The following KLHL41 variants were observed in gnomAD, a reference collection of about 807,000 sequenced individuals.
The protein encoded by KLHL41 is kelch like family member 41, also known as kelch-like protein 41.
In KLHL41, 31 loss-of-function variants were observed where a neutral mutation model predicts 49.2. The ratio of observed to expected loss-of-function variants is 0.63; its 90% CI spans 0.47 to 0.85. The LOEUF (loss-of-function observed/expected upper bound fraction) is 0.85, where lower values mean the gene tolerates loss of function less well. Among genes scored for constraint, KLHL41 ranks in the 40% least tolerant of loss-of-function variants. KLHL41 has a pLI of 0.00. For synonymous variants in KLHL41, 218 were observed against 258.5 expected (o/e 0.84, Z 1.50); for missense variants, 663 against 726.7 (o/e 0.91, Z 1.01).
chr2:169,518,384 C>T lies in KLHL41; in HGVS notation c.1562+9C>T. On this transcript the variant is annotated intron_variant, in intron 4 of 5. Transcript: ENST00000284669. Reference sequence around the variant, plus strand: ...GACCTTACAACAAATAAGTGAGTTGCCACATCTTAGTATATAGCATGTGAA... The same window carrying T: ...GACCTTACAACAAATAAGTGAGTTGTCACATCTTAGTATATAGCATGTGAA... The T allele has an allele frequency of 1.3e-6, 2 of 1,596,060 alleles. No individual in the cohort carries two copies. Among genetic ancestry groups the T allele is most frequent in the Non-Finnish European group, 1.7e-6 (2 of 1,166,738 alleles).
intron 5 of KLHL41, among the ~76,000 whole-genome samples, chr2:169,522,422 G>T (rs920834144): frequency 6.6e-6 from 1 of 152,110 alleles, no homozygotes; most frequent in African/African-American, 2.4e-5. Context: ...AGATTTCCAC[G>T]GAGCAAAGAG....
At position 169,520,865 on chromosome 2, in the gene KLHL41, G is replaced by A. The variant is rs1443758453; in HGVS notation, c.1567G>A (p.Asp523Asn). The part of the protein sequence containing the change: ...EAFDLTTNKW[D>N]VMTEFPQERS... ...TATATTTTTAATGATACCTAGATGG[G>A]ATGTAATGACCGAATTTCCCCAAGA... Residue 523 changes from aspartate (D) to asparagine (N), a missense_variant, in exon 5 of 6, where the codon GAT becomes AAT. This residue lies in a region of KLHL41 where 528 missense variants were observed against 581.0 expected (regional missense o/e 0.91). Transcript: ENST00000284669. 1.2e-6 allele frequency: 2 copies of A among 1,608,840 alleles called. No homozygotes were observed. The highest frequency in any genetic ancestry group is 1.7e-4 in the Middle Eastern group (1 of 6,046).
intron 3 of KLHL41, among the ~76,000 whole-genome samples, chr2:169,515,739 G>A (rs115127510): frequency 0.023 from 3,522 of 152,212 alleles, 142 homozygotes; most frequent in African/African-American, 0.08. Flanking sequence ...AAAGAAAAGC[G>A]TGGTGATTGA....
At chr2:169,523,531 A>C (rs759391754) in intron 5 of KLHL41, among the ~76,000 whole-genome samples, 1 of 152,152 alleles carries the variant, frequency 6.6e-6, no homozygotes, top group Non-Finnish European at 1.5e-5. Context: ...TTGGGGTAGG[A>C]TCTGGAGCAT....
chr2:169,520,253 G>A (rs1684180039), intron 4 of KLHL41, among the ~76,000 whole-genome samples: 1 of 127,770 alleles, frequency 7.8e-6, no homozygotes, highest in Non-Finnish European at 1.6e-5. Flanking sequence ...TACTCCTTGG[G>A]CTCAAGCTAT....
intron 5 of KLHL41, among the ~76,000 whole-genome samples, chr2:169,523,952 C>G (rs753369371): frequency 1.3e-4 from 20 of 148,244 alleles, no homozygotes; most frequent in Non-Finnish European, 2.5e-4. Context: ...CCTAACCACA[C>G]ATGCAGAGGT....
chr2:169,521,103 T>C, intron 5 of KLHL41, 96 bp downstream of exon 5: 1 of 1,125,662 alleles, frequency 8.9e-7, no homozygotes, highest in African/African-American at 1.5e-5. Flanking sequence ...TTTCCCAACA[T>C]GCAAGCTACT....
chr2:169,510,225 A>T lies in KLHL41; in HGVS notation c.447A>T (p.Arg149Ser). Residue 149 changes from arginine to serine, a missense_variant, in exon 1 of 6, where the codon AGA becomes AGT. Around this residue, in one of 3 missense-constraint regions of KLHL41, gnomAD observed 528 missense variants for 581.0 expected, o/e 0.91. Coordinates refer to ENST00000284669, the MANE Select transcript of KLHL41 (RefSeq NM_006063.3). The surrounding 1 kb of genome is among the most constrained non-coding windows in gnomAD (Gnocchi z 4.2). ...LRLGLLLDCP[R>S]LAISAREFVS... is the part of the protein sequence containing the mutation. ...TAGGACTTCTTCTTGACTGCCCGAG[A>T]CTCGCCATTTCTGCCCGTGAATTTG... 2 of 1,613,786 alleles carry T rather than the reference A, an allele frequency of 1.2e-6. No individual in the cohort carries two copies. Among genetic ancestry groups the T allele is most frequent in the Non-Finnish European group, 1.7e-6 (2 of 1,179,972 alleles).
chr2:169,520,318 G>GTGTGTGTA (rs1684184283), intron 4 of KLHL41, among the ~76,000 whole-genome samples: 2 of 148,718 alleles, frequency 1.3e-5, no homozygotes, highest in Admixed American at 6.8e-5. Flanking sequence ...GTGTATGTGT[G>GTGTGTGTA]TGTGTGTGTG....
At chr2:169,513,931 T>C (rs990299851) in intron 1 of KLHL41, among the ~76,000 whole-genome samples, 1 of 152,114 alleles carries the variant, frequency 6.6e-6, no homozygotes, top group African/African-American at 2.4e-5. Context: ...CAGTTACTTA[T>C]TAATATAAAT....
chr2:169,524,261 A>G (rs904572961), intron 5 of KLHL41, among the ~76,000 whole-genome samples: 5 of 152,086 alleles, frequency 3.3e-5, no homozygotes, highest in African/African-American at 4.8e-5. Context: ...TATTTTTTGT[A>G]TGCTTTCCTC....
rs143361344 is a variant in KLHL41, at chr2:169,514,550, ATCTC to A, written c.1111-21_1111-18del. 0.05 allele frequency: 79,658 copies of A among 1,588,054 alleles called. 2,341 individuals are homozygous for A. The highest frequency in any genetic ancestry group is 0.11 in the East Asian group (4,972 of 44,664). On this transcript the variant is annotated intron_variant, in intron 1 of 5. Transcript: ENST00000284669. ...TAATTTTTTTCTAACAGGCTCCACAATCTCTCATATATGTTTTTTTCAGCTCGAT... is the reference window on the plus strand; with the variant it reads ...TAATTTTTTTCTAACAGGCTCCACAATCATATATGTTTTTTTCAGCTCGAT...
At chr2:169,519,316 T>A (rs1401579851) in intron 4 of KLHL41, among the ~76,000 whole-genome samples, 1 of 152,190 alleles carries the variant, frequency 6.6e-6, no homozygotes, top group Non-Finnish European at 1.5e-5. Context: ...ATTATTACTT[T>A]TTTTAGAAAC....
At chr2:169,519,757 T>G in intron 4 of KLHL41, among the ~76,000 whole-genome samples, 1 of 151,500 alleles carries the variant, frequency 6.6e-6, no homozygotes. Flanking sequence ...AAAAATCGGC[T>G]AATTTTTTGT....
At chr2:169,511,874 T>G (rs1684033508) in intron 1 of KLHL41, among the ~76,000 whole-genome samples, 1 of 152,216 alleles carries the variant, frequency 6.6e-6, no homozygotes, top group South Asian at 2.1e-4. Flanking sequence ...AAGGAATTTG[T>G]CTTATATTAT....
chr2:169,514,744 G>A lies in KLHL41; in HGVS notation c.1268+13G>A, dbSNP rs1177713534. On this transcript the variant is annotated intron_variant, in intron 2 of 5. Transcript: ENST00000284669. ...GCTATGATCCTGTGTAAGTTGGCAT[G>A]ATATTCCTGTTCCCTAAGCATTCAA... 1 of 1,612,958 alleles carries A rather than the reference G, an allele frequency of 6.2e-7. No homozygotes were observed. Among genetic ancestry groups the A allele is most frequent in the East Asian group, 2.2e-5 (1 of 44,866 alleles).
chr2:169,514,397 ATTC>A (rs2105309589), intron 1 of KLHL41, 174 bp from the exon 2 acceptor site: 3 of 479,220 alleles, frequency 6.3e-6, no homozygotes, highest in Admixed American at 3.9e-5. Context: ...AGATTTACTC[ATTC>A]TTCTTGGTAA....
chr2:169,524,465 T>C (rs1324386307), intron 5 of KLHL41, among the ~76,000 whole-genome samples: 1 of 149,854 alleles, frequency 6.7e-6, no homozygotes, highest in Non-Finnish European at 1.5e-5. Flanking sequence ...CTGTGCAATC[T>C]TGACTCACTG....
At position 169,514,959 on chromosome 2, in the gene KLHL41, CAAGT is replaced by C; in HGVS notation, c.1376+4_1376+7del. On this transcript the variant is annotated splice_donor_variant and coding_sequence_variant, in exon 3 of 6. Coordinates refer to ENST00000284669, the MANE Select transcript of KLHL41 (RefSeq NM_006063.3). LOFTEE classifies it high-confidence loss of function. ...ATTGTCTAGGAGGAAAGACAGATGA[CAAGT>C]AAGTACCCTGAACTCTCATGATTTA... 1 of 1,542,120 alleles carries C rather than the reference CAAGT, an allele frequency of 6.5e-7. No homozygotes were observed. The highest frequency in any genetic ancestry group is 8.9e-7 in the Non-Finnish European group (1 of 1,123,980).
Sources: gnomAD v4.1 joint callset for allele counts (sites outside exome capture counted in the v4.1 genomes callset) on GRCh38, gnomAD v4.1.1 for gene constraint, gnomAD v4.1.1 regional missense constraint, Gnocchi (gnomAD v3.1) non-coding constraint, MANE v1.5 for transcripts, NCBI Gene and HGNC (gene_info 2026-07-23, HGNC 2026-07-21) for gene names.